The following RIMS2 variants were observed in gnomAD, a reference collection of about 807,000 sequenced individuals.
The protein encoded by RIMS2 is regulating synaptic membrane exocytosis 2, also known as regulating synaptic membrane exocytosis protein 2.
A neutral mutation model predicts 174.4 loss-of-function variants in RIMS2; 59 were observed. The observed-to-expected ratio is 0.34, with a 90% confidence interval of 0.27 to 0.42. The LOEUF (loss-of-function observed/expected upper bound fraction) is 0.42. RIMS2 is among the 10% of genes least tolerant of loss of function. The pLI is 1.00. For synonymous variants in RIMS2, 606 were observed against 572.5 expected (o/e 1.06, Z -0.84); for missense variants, 1,620 against 1,666.3 (o/e 0.97, Z 0.48).
intron 1 of RIMS2, among the ~76,000 whole-genome samples, chr8:103,614,356 C>G (rs2095457001): frequency 6.6e-6 from 1 of 152,246 alleles, no homozygotes; most frequent in Admixed American, 6.5e-5. Flanking sequence ...AGTCACTATG[C>G]TCTCCCTTCC....
chr8:103,989,439 C>A lies in RIMS2; in HGVS notation c.3044+18C>A, dbSNP rs762789356. 12 of 1,222,096 alleles carry A rather than the reference C, an allele frequency of 9.8e-6. No individual in the cohort carries two copies. Among genetic ancestry groups the A allele is most frequent in the Non-Finnish European group, 1.4e-5 (12 of 831,834 alleles). 75.7% of individuals were successfully genotyped at this position (1,222,096 alleles called of 1,614,324 possible). A position where few individuals can be genotyped will look rare whatever the true frequency, so the allele number is the denominator to read the frequency against. On this transcript the variant is annotated intron_variant, in intron 17 of 23. Transcript: ENST00000504942. Reference sequence around the variant, plus strand: ...AGAGACAGGTAAATATGATTAAATACTATTAGACCTTATTATTAATATAAT... The same window carrying A: ...AGAGACAGGTAAATATGATTAAATAATATTAGACCTTATTATTAATATAAT...
chr8:103,911,266 A>C (rs1231503578), intron 5 of RIMS2, among the ~76,000 whole-genome samples: 1 of 152,218 alleles, frequency 6.6e-6, no homozygotes, highest in Non-Finnish European at 1.5e-5. Flanking sequence ...CATTCATAAC[A>C]GAATACTGTC....
intron 1 of RIMS2, among the ~76,000 whole-genome samples, chr8:103,604,434 A>T (rs1384987621): frequency 1.3e-5 from 2 of 152,136 alleles, no homozygotes; most frequent in African/African-American, 4.8e-5. Flanking sequence ...AGGTAGTGTG[A>T]TGCCTCCAGC....
At chr8:103,704,948 T>C (rs2097207919) in intron 2 of RIMS2, among the ~76,000 whole-genome samples, 2 of 151,904 alleles carry the variant, frequency 1.3e-5, no homozygotes, top group African/African-American at 4.8e-5. Context: ...TTTGACTCAA[T>C]TTTAGTTATT....
intron 19 of RIMS2, among the ~76,000 whole-genome samples, chr8:104,175,410 G>C (rs563918448): frequency 3.7e-4 from 56 of 151,906 alleles, no homozygotes; most frequent in Non-Finnish European, 5.7e-4. Flanking sequence ...CAGGGTAAAT[G>C]GGGTCTCTAT....
intron 1 of RIMS2, among the ~76,000 whole-genome samples, chr8:103,693,149 C>T (rs73289981): frequency 3.3e-4 from 50 of 152,264 alleles, no homozygotes; most frequent in African/African-American, 1.2e-3. Flanking sequence ...GTTGCTTTCC[C>T]CTGTGACAGG....
At chr8:104,122,881 T>C (rs1037990614) in intron 19 of RIMS2, among the ~76,000 whole-genome samples, 1 of 152,166 alleles carries the variant, frequency 6.6e-6, no homozygotes, top group Non-Finnish European at 1.5e-5. Flanking sequence ...ATAGAGTACT[T>C]GACAGTCAAC....
intron 1 of RIMS2, among the ~76,000 whole-genome samples, chr8:103,620,779 G>A (rs935388882): frequency 6.6e-6 from 1 of 152,138 alleles, no homozygotes; most frequent in African/African-American, 2.4e-5. Flanking sequence ...TATGTAGAAA[G>A]TGCCTGGCAT....
At chr8:103,835,441 G>A (rs1424207666) in intron 3 of RIMS2, among the ~76,000 whole-genome samples, 4 of 148,004 alleles carry the variant, frequency 2.7e-5, no homozygotes, top group Non-Finnish European at 4.6e-5. Context: ...TTCAGGCATT[G>A]ATTGAATTTG....
intron 1 of RIMS2, among the ~76,000 whole-genome samples, chr8:103,531,157 A>T (rs1052678511): frequency 2.6e-5 from 4 of 152,104 alleles, no homozygotes; most frequent in African/African-American, 9.6e-5. Context: ...AGAGCACTTT[A>T]CCCAATGACT....
rs1342221337 is a variant in RIMS2 at position 103,792,066 on chromosome 8, C to T, written c.698+25529C>T. ...GAATTGAACTCAGCTCTGCACCAAG[C>T]GGACTTAATAGACATCTACAGAAGT... On this transcript the variant is annotated intron_variant, in intron 3 of 23. Coordinates refer to ENST00000504942, the Ensembl canonical transcript of RIMS2. Among the ~76,000 whole-genome samples, 9 of 152,220 alleles carry T rather than the reference C, an allele frequency of 5.9e-5. No individual in the cohort carries two copies. The East Asian group carries it at 7.7e-4, about 13-fold the overall frequency.
At chr8:103,547,053 C>A (rs1378588492) in intron 1 of RIMS2, among the ~76,000 whole-genome samples, 2 of 152,066 alleles carry the variant, frequency 1.3e-5, no homozygotes, top group African/African-American at 4.8e-5. Flanking sequence ...TTCACAGACA[C>A]AGAAAAACAA....
chr8:103,547,582 A>T (rs2131456460), intron 1 of RIMS2, among the ~76,000 whole-genome samples: 1 of 152,312 alleles, frequency 6.6e-6, no homozygotes, highest in Middle Eastern at 3.4e-3. Context: ...TAACAGCCTA[A>T]CATCATAGCG....
At chr8:104,186,644 C>G (rs1443736190) in intron 19 of RIMS2, among the ~76,000 whole-genome samples, 1 of 151,668 alleles carries the variant, frequency 6.6e-6, no homozygotes, top group South Asian at 2.1e-4. Context: ...TGTTAATATC[C>G]CAGCCAGTGG....
intron 19 of RIMS2, among the ~76,000 whole-genome samples, chr8:104,071,114 C>G (rs2097188211): frequency 6.6e-6 from 1 of 152,098 alleles, no homozygotes; most frequent in South Asian, 2.1e-4. Context: ...TTATAGAAAC[C>G]TGACAGAAAT....
intron 19 of RIMS2, among the ~76,000 whole-genome samples, chr8:104,053,381 T>C (rs1238740956): frequency 6.6e-6 from 1 of 152,186 alleles, no homozygotes; most frequent in Non-Finnish European, 1.5e-5. Flanking sequence ...AGGTCCCACT[T>C]AAAAAACTTG....
intron 17 of RIMS2, among the ~76,000 whole-genome samples, chr8:103,999,048 GAGATCCTTT>G (rs2095269120): frequency 6.6e-6 from 1 of 151,766 alleles, no homozygotes; most frequent in Non-Finnish European, 1.5e-5. Flanking sequence ...GACAACATTT[GAGATCCTTT>G]AGGTAAAGAA....
At chr8:103,931,588 G>A (rs2079959905) in intron 12 of RIMS2, among the ~76,000 whole-genome samples, 195 bp downstream of exon 14, 1 of 151,918 alleles carries the variant, frequency 6.6e-6, no homozygotes, top group African/African-American at 2.4e-5. Flanking sequence ...TCGTATATGT[G>A]ATTTTGAATA....
chr8:104,041,400 A>C lies in RIMS2; in HGVS notation c.3334+26785A>C. Reference sequence around the variant, plus strand: ...TTTTTTGTTATTATTTTATTTATCTAACTTGTCCTAGAAATGTTTAATCAT... The same window carrying C: ...TTTTTTGTTATTATTTTATTTATCTCACTTGTCCTAGAAATGTTTAATCAT... On this transcript the variant is annotated intron_variant, in intron 19 of 23. Coordinates refer to ENST00000504942, the Ensembl canonical transcript of RIMS2. 4 of 679,350 alleles carry C rather than the reference A, an allele frequency of 5.9e-6. 1 individual carries two copies. Among genetic ancestry groups the C allele is most frequent in the Non-Finnish European group, 1.1e-5 (4 of 371,266 alleles). 42.1% of individuals were successfully genotyped at this position (679,350 alleles called of 1,614,324 possible).
Sources: allele counts gnomAD v4.1 joint callset (sites outside exome capture counted in the v4.1 genomes callset), GRCh38; gene constraint gnomAD v4.1.1; transcripts MANE v1.5; gene names NCBI Gene and HGNC (gene_info 2026-07-23, HGNC 2026-07-21).